NDST3: variants seen among roughly 807,000 people sequenced by gnomAD.
NDST3 encodes the protein bifunctional heparan sulfate N-deacetylase/N-sulfotransferase 3.
A neutral mutation model predicts 96.1 loss-of-function variants in NDST3; 58 were observed. The observed-to-expected ratio is 0.60, with a 90% CI of 0.49 to 0.75. The LOEUF is 0.75. NDST3 is among the 30% of genes least tolerant of loss of function. NDST3 has a pLI of 0.00. For synonymous variants in NDST3, 333 were observed against 359.7 expected (o/e 0.93, Z 0.84); for missense variants, 788 against 1,034.2 (o/e 0.76, Z 3.27).
At chr4:118,058,833 A>T (rs1421089558) in intron 2 of NDST3, among the ~76,000 whole-genome samples, 1 of 152,130 alleles carries the variant, frequency 6.6e-6, no homozygotes, top group Non-Finnish European at 1.5e-5. Context: ...ACATGAAAGC[A>T]CTTCATGACC....
intron 2 of NDST3, among the ~76,000 whole-genome samples, chr4:118,063,665 C>T (rs950115247): frequency 3.3e-5 from 5 of 152,066 alleles, no homozygotes; most frequent in African/African-American, 1.2e-4. Context: ...TGAGTATGTA[C>T]GTTGTTTTAA....
rs945760399 is a variant in NDST3, at chr4:118,164,666, T to C, written c.1539+20982T>C. On this transcript the variant is annotated intron_variant, in intron 6 of 13. Coordinates refer to ENST00000296499, the MANE Select transcript of NDST3 (RefSeq NM_004784.3). Reference sequence around the variant, plus strand: ...TAAAGCTCACTGGTAAAGGTAAATATACAGAAAAATAGATAATACTGTAAT... The same window carrying C: ...TAAAGCTCACTGGTAAAGGTAAATACACAGAAAAATAGATAATACTGTAAT... 2.6e-5 allele frequency among the ~76,000 whole-genome samples: 4 copies of C among 152,088 alleles called. No homozygotes were observed. In the East Asian group the frequency reaches 5.8e-4, roughly 22 times the overall value.
intron 2 of NDST3, among the ~76,000 whole-genome samples, chr4:118,083,275 A>C (rs10026541): frequency 0.75 from 114,441 of 152,048 alleles, 45,735 homozygotes; most frequent in South Asian, 0.92. Flanking sequence ...AAAGAATACC[A>C]TAAAATCCTT....
intron 6 of NDST3, among the ~76,000 whole-genome samples, chr4:118,203,194 A>G (rs2389566): frequency 2.5e-3 from 387 of 152,274 alleles, no homozygotes; most frequent in Admixed American, 5.4e-3. Context: ...ACTTTTCAAT[A>G]TGCTGCTGGA....
chr4:118,064,384 A>G (rs1726136387), intron 2 of NDST3, among the ~76,000 whole-genome samples: 1 of 152,160 alleles, frequency 6.6e-6, no homozygotes, highest in Non-Finnish European at 1.5e-5. Flanking sequence ...ATAGGCTTCC[A>G]TGAATAATGA....
At chr4:118,107,007 G>A (rs1421188614) in intron 3 of NDST3, among the ~76,000 whole-genome samples, 3 of 152,128 alleles carry the variant, frequency 2.0e-5, no homozygotes, top group African/African-American at 7.2e-5. Context: ...GGAGAATGGC[G>A]TGAACCCAGC....
intron 6 of NDST3, among the ~76,000 whole-genome samples, chr4:118,176,258 A>T (rs966202269): frequency 6.6e-6 from 1 of 151,372 alleles, no homozygotes. Context: ...CTTAAAATTT[A>T]AAAAAAAACC....
chr4:118,124,534 A>G (rs1320687873), intron 4 of NDST3, among the ~76,000 whole-genome samples: 1 of 152,086 alleles, frequency 6.6e-6, no homozygotes, highest in Non-Finnish European at 1.5e-5. Context: ...CCTGGGACCA[A>G]TGAAGAGAAG....
At chr4:118,163,124 G>T (rs1282802868) in intron 6 of NDST3, among the ~76,000 whole-genome samples, 1 of 152,236 alleles carries the variant, frequency 6.6e-6, no homozygotes, top group Admixed American at 6.5e-5. Flanking sequence ...AGGATGTGGA[G>T]AAATTGGAAC....
chr4:118,037,777 A>G (rs1394548540), intron 1 of NDST3, among the ~76,000 whole-genome samples: 2 of 152,176 alleles, frequency 1.3e-5, no homozygotes, highest in Non-Finnish European at 2.9e-5. Context: ...CTCTTTTGCT[A>G]CTGCTGTTAG....
At chr4:118,048,166 G>C (rs1490946309) in intron 1 of NDST3, among the ~76,000 whole-genome samples, 1 of 152,140 alleles carries the variant, frequency 6.6e-6, no homozygotes, top group Non-Finnish European at 1.5e-5. Context: ...ATCCTTCTCA[G>C]ATAAGCAAAT....
At chr4:118,225,659 T>C (rs1309990390) in intron 7 of NDST3, among the ~76,000 whole-genome samples, 1 of 152,160 alleles carries the variant, frequency 6.6e-6, no homozygotes, top group Non-Finnish European at 1.5e-5. Context: ...TCATCAGAAG[T>C]AGAACTCAGT....
chr4:118,240,789 C>T, intron 11 of NDST3, 95 bp downstream of exon 11: 1 of 1,154,416 alleles, frequency 8.7e-7, no homozygotes, highest in Non-Finnish European at 1.2e-6. Flanking sequence ...TAAACTATTA[C>T]TAGTTTTTCC....
At chr4:118,240,775 T>C in intron 11 of NDST3, 81 bp downstream of exon 11, 1 of 1,329,808 alleles carries the variant, frequency 7.5e-7, no homozygotes, top group Non-Finnish European at 1.0e-6. Flanking sequence ...AAATTTTCAA[T>C]TGTTAAACTA....
intron 7 of NDST3, among the ~76,000 whole-genome samples, chr4:118,225,148 C>CA (rs1739795314): frequency 6.6e-6 from 1 of 152,120 alleles, no homozygotes; most frequent in African/African-American, 2.4e-5. Context: ...GGACAGCTTT[C>CA]AAAAGTATTA....
intron 10 of NDST3, among the ~76,000 whole-genome samples, chr4:118,238,789 ATGACAAAGCCCACC>A (rs1272951794): frequency 6.6e-6 from 1 of 152,254 alleles, no homozygotes; most frequent in African/African-American, 2.4e-5. Flanking sequence ...CTCCTTCGGA[ATGACAAAGCCCACC>A]TGACAAAGAC....
At chr4:118,135,831 T>C (rs1733037366) in intron 4 of NDST3, among the ~76,000 whole-genome samples, 1 of 152,070 alleles carries the variant, frequency 6.6e-6, no homozygotes, top group Non-Finnish European at 1.5e-5. Context: ...TAAGCTATGA[T>C]CACCACCACT....
intron 6 of NDST3, among the ~76,000 whole-genome samples, chr4:118,187,894 A>C (rs1303771131): frequency 6.6e-6 from 1 of 152,172 alleles, no homozygotes; most frequent in Non-Finnish European, 1.5e-5. Context: ...GTTTTGCTGC[A>C]GTGTGGATGG....
At chr4:118,180,471 G>T (rs1312126801) in intron 6 of NDST3, among the ~76,000 whole-genome samples, 1 of 152,120 alleles carries the variant, frequency 6.6e-6, no homozygotes, top group African/African-American at 2.4e-5. Flanking sequence ...ATTCTGTGGT[G>T]TCCCTCTTTG....
Sources: allele counts gnomAD v4.1 joint callset (sites outside exome capture counted in the v4.1 genomes callset), GRCh38; gene constraint gnomAD v4.1.1; transcripts MANE v1.5; gene names NCBI Gene and HGNC (gene_info 2026-07-23, HGNC 2026-07-21).